PTP4A1: variants seen among roughly 807,000 people sequenced by gnomAD.
The protein encoded by PTP4A1 is protein tyrosine phosphatase type IVA 1.
In PTP4A1, 9 loss-of-function variants were observed where a neutral mutation model predicts 20.5. The ratio of observed to expected loss-of-function variants is 0.44; its 90% CI spans 0.26 to 0.77. The LOEUF is 0.77. PTP4A1 is among the 30% of genes least tolerant of loss of function. PTP4A1 has a pLI of 0.19. For synonymous variants in PTP4A1, 78 were observed against 67.4 expected (o/e 1.16, Z -0.77); for missense variants, 137 against 218.8 (o/e 0.63, Z 2.36).
At chr6:63,579,229 CTA>C in intron 4 of PTP4A1, 26 bp from the exon 5 acceptor site, 3 of 1,569,866 alleles carry the variant, frequency 1.9e-6, no homozygotes, top group Non-Finnish European at 2.6e-6. Flanking sequence ...TTTGAAAAAA[CTA>C]TTTATCAAAA....
At chr6:63,542,323 TG>T (rs780571801) in intron 2 of PTP4A1, among the ~76,000 whole-genome samples, 1 of 151,858 alleles carries the variant, frequency 6.6e-6, no homozygotes, top group Non-Finnish European at 1.5e-5. Context: ...TTGAGTGCAG[TG>T]TATACTGCTC....
chr6:63,533,832 T>TTAAA (rs1554197953), intron 2 of PTP4A1, among the ~76,000 whole-genome samples: 13 of 149,882 alleles, frequency 8.7e-5, no homozygotes, highest in South Asian at 2.1e-4. Context: ...AACAAACTTT[T>TTAAA]TTAATTAATT....
At chr6:63,565,391 C>A (rs1188995325) in intron 3 of PTP4A1, among the ~76,000 whole-genome samples, 2 of 151,828 alleles carry the variant, frequency 1.3e-5, no homozygotes, top group African/African-American at 2.4e-5. Context: ...GAAAAAGGGA[C>A]AGAGAATGGG....
chr6:63,570,761 T>C (rs1263659621), upstream of PTP4A1, among the ~76,000 whole-genome samples: 1 of 152,260 alleles, frequency 6.6e-6, no homozygotes, highest in African/African-American at 2.4e-5. Context: ...GCTTTTTAAC[T>C]ACACTATTAT....
At chr6:63,564,404 G>A (rs1777099554) in intron 3 of PTP4A1, among the ~76,000 whole-genome samples, 1 of 152,062 alleles carries the variant, frequency 6.6e-6, no homozygotes, top group Admixed American at 6.6e-5. Flanking sequence ...AACATCCCTA[G>A]TTAAAAAGCA....
At chr6:63,551,934 G>C (rs905762532) in intron 3 of PTP4A1, among the ~76,000 whole-genome samples, 3 of 152,264 alleles carry the variant, frequency 2.0e-5, no homozygotes, top group Non-Finnish European at 4.4e-5. Flanking sequence ...TCTTAATCCA[G>C]TCTATCACTG....
intron 2 of PTP4A1, among the ~76,000 whole-genome samples, chr6:63,534,252 A>G (rs1775602933): frequency 6.6e-6 from 1 of 152,196 alleles, no homozygotes. Context: ...ACATGGTTTA[A>G]CAGTGTAACT....
At chr6:63,579,500 C>G (rs967212020) in intron 5 of PTP4A1, among the ~76,000 whole-genome samples, 169 bp downstream of exon 5, 2 of 152,172 alleles carry the variant, frequency 1.3e-5, no homozygotes, top group African/African-American at 4.8e-5. Flanking sequence ...TGCAGTTGCT[C>G]ATATTACTAA....
rs1048106424 is a variant in PTP4A1, at chr6:63,581,720, G to A, written c.*1546G>A. On this transcript the variant is annotated 3_prime_UTR_variant, in exon 6 of 6. Transcript: ENST00000626021. ...TACTGAGGAGAAATAATGTATAGTAGAGGACAGCCTTGGTTTGTAAAGCTC... is the reference window on the plus strand; with the variant it reads ...TACTGAGGAGAAATAATGTATAGTAAAGGACAGCCTTGGTTTGTAAAGCTC... The A allele has an allele frequency of 6.6e-6, 1 of 152,090 alleles. No individual in the cohort carries two copies. The highest frequency in any genetic ancestry group is 2.1e-4 in the South Asian group (1 of 4,830). 9.4% of individuals were successfully genotyped at this position (152,090 alleles called of 1,614,324 possible).
chr6:63,522,005 A>G (rs1433508021), intron 1 of PTP4A1, among the ~76,000 whole-genome samples: 2 of 152,240 alleles, frequency 1.3e-5, no homozygotes, highest in Admixed American at 6.5e-5. Context: ...AGCCCAGACT[A>G]GAACCCAAGT....
chr6:63,569,619 A>T (rs1238787227), upstream of PTP4A1, among the ~76,000 whole-genome samples: 4 of 152,148 alleles, frequency 2.6e-5, no homozygotes, highest in Admixed American at 6.5e-5. Context: ...TGGCTTTTAT[A>T]TTTTGAATTG....
intron 2 of PTP4A1, among the ~76,000 whole-genome samples, chr6:63,546,137 G>A (rs1379038888): frequency 6.6e-6 from 1 of 151,952 alleles, no homozygotes; most frequent in Admixed American, 6.6e-5. Flanking sequence ...TTTAAAATGT[G>A]GATAAAGAAA....
intron 3 of PTP4A1, among the ~76,000 whole-genome samples, chr6:63,556,784 T>C (rs1315113052): frequency 1.3e-5 from 2 of 152,162 alleles, no homozygotes; most frequent in Admixed American, 1.3e-4. Flanking sequence ...AACGTAAAAG[T>C]GAGTTGTTAA....
At chr6:63,527,623 C>T (rs1775244706) in intron 1 of PTP4A1, among the ~76,000 whole-genome samples, 1 of 152,168 alleles carries the variant, frequency 6.6e-6, no homozygotes, top group African/African-American at 2.4e-5. Context: ...GACAACTCTT[C>T]CATTTTAACC....
intron 3 of PTP4A1, among the ~76,000 whole-genome samples, chr6:63,557,892 A>C (rs1409724385): frequency 1.3e-5 from 2 of 151,798 alleles, no homozygotes; most frequent in African/African-American, 4.8e-5. Flanking sequence ...TACTGAACAT[A>C]TGCTTTTTTT....
intron 2 of PTP4A1, among the ~76,000 whole-genome samples, chr6:63,535,857 C>T (rs1775696976): frequency 6.6e-6 from 1 of 152,196 alleles, no homozygotes; most frequent in African/African-American, 2.4e-5. Context: ...CAGAGTCTCG[C>T]TCTTGTCAAC....
rs1273167441 is a variant in PTP4A1, at chr6:63,582,611, T to A, written c.*2437T>A. 6.6e-6 allele frequency: 1 copy of A among 152,390 alleles called. No individual in the cohort carries two copies. Among genetic ancestry groups the A allele is most frequent in the Non-Finnish European group, 1.5e-5 (1 of 68,036 alleles). 9.4% of individuals were successfully genotyped at this position (152,390 alleles called of 1,614,324 possible). Reference sequence around the variant, plus strand: ...TATCTGATAGTGTTCTAAAATTTGGTTACTTGGGTTTGGATACCCTTAGTG... The same window carrying A: ...TATCTGATAGTGTTCTAAAATTTGGATACTTGGGTTTGGATACCCTTAGTG... On this transcript the variant is annotated 3_prime_UTR_variant, in exon 6 of 6. Transcript: ENST00000626021.
chr6:63,562,201 CTT>C (rs60593360), intron 3 of PTP4A1, among the ~76,000 whole-genome samples: 17 of 137,252 alleles, frequency 1.2e-4, no homozygotes, highest in Non-Finnish European at 1.6e-4. Flanking sequence ...TTTTCTTTTT[CTT>C]TTTTTTTTTT....
At chr6:63,526,743 G>T (rs1245662775) in intron 1 of PTP4A1, among the ~76,000 whole-genome samples, 1 of 148,592 alleles carries the variant, frequency 6.7e-6, no homozygotes, top group Non-Finnish European at 1.5e-5. Context: ...AGGCTGCAGT[G>T]AGTCGAGATC....
Sources: gnomAD v4.1 joint callset for allele counts (sites outside exome capture counted in the v4.1 genomes callset) on GRCh38, gnomAD v4.1.1 for gene constraint, MANE v1.5 for transcripts, NCBI Gene and HGNC (gene_info 2026-07-23, HGNC 2026-07-21) for gene names.